The following AGO2 variants were observed in gnomAD, a reference collection of about 807,000 sequenced individuals.
The protein encoded by AGO2 is argonaute RISC catalytic component 2.
In AGO2, 5 loss-of-function variants were observed where a neutral mutation model predicts 102.3. The ratio of observed to expected loss-of-function variants is 0.05; its 90% CI spans 0.03 to 0.10. The LOEUF is 0.10. Ranked by LOEUF, AGO2 falls within the 10% of genes least tolerant of loss-of-function variation. The pLI, the probability that AGO2 is intolerant of heterozygous loss-of-function variation, is 1.00. For missense variants in AGO2, 541 were observed against 1,183.7 expected (o/e 0.46, Z 7.97); for synonymous variants, 449 against 473.1 (o/e 0.95, Z 0.66).
At chr8:140,613,123 C>A (rs1251375458) in intron 1 of AGO2, among the ~76,000 whole-genome samples, 1 of 152,102 alleles carries the variant, frequency 6.6e-6, no homozygotes, top group African/African-American at 2.4e-5. Flanking sequence ...TGGCGTGAAC[C>A]CGGGAGGCGG....
intron 12 of AGO2, among the ~76,000 whole-genome samples, chr8:140,548,287 G>C (rs1395628369): frequency 4.1e-5 from 6 of 144,780 alleles, no homozygotes; most frequent in African/African-American, 1.6e-4. Context: ...CTGCACTCCA[G>C]GCTAGGAGAC....
intron 10 of AGO2, among the ~76,000 whole-genome samples, chr8:140,554,245 C>T (rs2073055485): frequency 6.6e-6 from 1 of 152,206 alleles, no homozygotes; most frequent in South Asian, 2.1e-4. Context: ...GCTCTTCCTC[C>T]TGGGCTTGGG....
chr8:140,566,477 G>A (rs559077949), intron 3 of AGO2, among the ~76,000 whole-genome samples: 3 of 152,216 alleles, frequency 2.0e-5, no homozygotes, highest in South Asian at 4.1e-4. Context: ...TTTTTCATTA[G>A]TGCTACTTCA....
intron 1 of AGO2, among the ~76,000 whole-genome samples, chr8:140,599,289 C>T (rs1016850552): frequency 6.6e-6 from 1 of 152,130 alleles, no homozygotes; most frequent in African/African-American, 2.4e-5. Flanking sequence ...AACGCAAAAT[C>T]CTGTGACCAG....
chr8:140,537,305 C>G (rs567470659), intron 16 of AGO2, among the ~76,000 whole-genome samples: 1 of 151,298 alleles, frequency 6.6e-6, no homozygotes, highest in African/African-American at 2.4e-5. Context: ...TTTCACTCTT[C>G]CAATTTTCAG....
Position 140,567,175 on chromosome 8 carries a change from G to A in AGO2, c.337-4541C>T, listed in dbSNP as rs998139239. The stretch of plus-strand genomic sequence containing the variant: ...GTAAATGTATTTCAGTCCAGCCTCC[G>A]CTTGGCCTGCAGAGAAAGGACAGCA... On this transcript the variant is annotated intron_variant, in intron 3 of 18. Coordinates refer to ENST00000220592, the MANE Select transcript of AGO2 (RefSeq NM_012154.5). This position sits in a 1 kb window ranked among gnomAD's most constrained non-coding sequence, Gnocchi z 5.0. 6.6e-6 allele frequency among the ~76,000 whole-genome samples: 1 copy of A among 152,222 alleles called. No individual in the cohort carries two copies. The highest frequency in any genetic ancestry group is 1.5e-5 in the Non-Finnish European group (1 of 68,038).
chr8:140,601,221 T>C (rs756932456), intron 1 of AGO2, among the ~76,000 whole-genome samples: 2 of 152,198 alleles, frequency 1.3e-5, no homozygotes, highest in Non-Finnish European at 2.9e-5. Flanking sequence ...CCCAGGGCCT[T>C]TGCACTTCCT....
At chr8:140,570,105 G>A (rs1226824603) in intron 3 of AGO2, among the ~76,000 whole-genome samples, 1 of 152,286 alleles carries the variant, frequency 6.6e-6, no homozygotes, top group African/African-American at 2.4e-5. Flanking sequence ...ACCCTGCAGA[G>A]ATCCTACAGA....
intron 1 of AGO2, among the ~76,000 whole-genome samples, chr8:140,617,981 C>T (rs934139426): frequency 2.6e-5 from 4 of 151,688 alleles, no homozygotes; most frequent in Admixed American, 2.6e-4. Context: ...GCACTCCAGC[C>T]TGGGCAACAG....
rs2072792764 is a variant in AGO2, at chr8:140,541,275, G to T, written c.1923C>A (p.Asp641Glu). The T allele has an allele frequency of 5.0e-6, 8 of 1,613,596 alleles. No homozygotes were observed. Among genetic ancestry groups the T allele is most frequent in the Non-Finnish European group, 6.8e-6 (8 of 1,179,940 alleles). The change falls in exon 15 of 19, where the codon GAC becomes GAA. Residue 641 changes from aspartate (D) to glutamate (E), a missense_variant. By Grantham distance (45) the Asp-to-Glu change is conservative. Transcript: ENST00000220592. ...VQQHRQEIIQ[D>E]LAAMVRELLI... Reference sequence around the variant, plus strand: ...GGAGCTCGCGGACCATGGCGGCCAGGTCTTGTATGATCTCCTGCCGGTGCT... The same window carrying T: ...GGAGCTCGCGGACCATGGCGGCCAGTTCTTGTATGATCTCCTGCCGGTGCT...
chr8:140,614,801 G>A (rs916893600), intron 1 of AGO2, among the ~76,000 whole-genome samples: 5 of 152,190 alleles, frequency 3.3e-5, no homozygotes, highest in Non-Finnish European at 4.4e-5. Flanking sequence ...AGTCATGACC[G>A]CCTAAAGCCC....
At position 140,521,449 on chromosome 8, in the gene AGO2, A is replaced by G. The variant is rs1345145103; in HGVS notation, c.*10595T>C. ...ATTCAGAGATCTCTTTAAAATAGTA[A>G]AACTATATACTACAGGAAAGATCCC... On this transcript the variant is annotated 3_prime_UTR_variant, in exon 19 of 19. Transcript: ENST00000220592. 6.6e-6 allele frequency: 1 copy of G among 152,238 alleles called. No homozygotes were observed. The highest frequency in any genetic ancestry group is 1.9e-4 in the East Asian group (1 of 5,206). 9.4% of individuals were successfully genotyped at this position (152,238 alleles called of 1,614,324 possible). A position where few individuals can be genotyped will look rare whatever the true frequency, so the allele number is the denominator to read the frequency against.
intron 1 of AGO2, among the ~76,000 whole-genome samples, chr8:140,602,465 C>T (rs570190809): frequency 1.3e-5 from 2 of 152,276 alleles, no homozygotes; most frequent in South Asian, 4.2e-4. Flanking sequence ...AAGTACTGTT[C>T]CAATGTTAAT....
intron 1 of AGO2, among the ~76,000 whole-genome samples, chr8:140,621,091 C>G (rs768851887): frequency 6.6e-6 from 1 of 152,160 alleles, no homozygotes. Context: ...CTCTCCCTCA[C>G]GCCACATTTG....
chr8:140,559,316 A>C (rs2073157361), intron 6 of AGO2, 79 bp downstream of exon 6: 1 of 1,561,790 alleles, frequency 6.4e-7, no homozygotes, highest in Non-Finnish European at 8.7e-7. Flanking sequence ...AAGAACCAGA[A>C]CTGCAAAATG....
chr8:140,556,311 C>T (rs917512074), intron 8 of AGO2, 25 bp from the exon 9 acceptor site: 4 of 1,612,376 alleles, frequency 2.5e-6, no homozygotes, highest in Non-Finnish European at 3.4e-6. Flanking sequence ...TAGAGACAGG[C>T]CGTCAGTGCC....
chr8:140,543,324 G>C (rs896439434), intron 14 of AGO2, among the ~76,000 whole-genome samples: 4 of 152,188 alleles, frequency 2.6e-5, no homozygotes, highest in African/African-American at 9.7e-5. Context: ...AAGGAAGTGT[G>C]CCCTGAATAA....
intron 2 of AGO2, among the ~76,000 whole-genome samples, chr8:140,575,531 G>A (rs897269785): frequency 2.6e-5 from 4 of 152,162 alleles, no homozygotes; most frequent in African/African-American, 9.7e-5. Context: ...GGAGGGGAAG[G>A]TGGGTTCTAC....
chr8:140,596,382 G>A (rs905068157), intron 1 of AGO2, among the ~76,000 whole-genome samples: 15 of 152,254 alleles, frequency 9.9e-5, no homozygotes, highest in East Asian at 5.8e-4. Context: ...TCGGGAGTTC[G>A]AGACCAGCCT....
Sources: gnomAD v4.1 joint callset for allele counts (sites outside exome capture counted in the v4.1 genomes callset) on GRCh38, gnomAD v4.1.1 for gene constraint, Gnocchi (gnomAD v3.1) non-coding constraint, MANE v1.5 for transcripts, NCBI Gene and HGNC (gene_info 2026-07-23, HGNC 2026-07-21) for gene names.